Variants in LPP observed in about 807,000 individuals in gnomAD.
LPP encodes lipoma-preferred partner.
In LPP, 38 loss-of-function variants were observed where a neutral mutation model predicts 60.4. The ratio of observed to expected loss-of-function variants is 0.63; its 90% CI spans 0.49 to 0.83. The LOEUF (loss-of-function observed/expected upper bound fraction) is 0.83. Ranked by LOEUF, LPP falls within the 40% of genes least tolerant of loss-of-function variation. The pLI is 0.00. For synonymous variants in LPP, 328 were observed against 290.8 expected (o/e 1.13, Z -1.30); for missense variants, 902 against 783.6 (o/e 1.15, Z -1.80).
At chr3:188,459,468 G>C (rs1367158380) in intron 4 of LPP, among the ~76,000 whole-genome samples, 5 of 152,126 alleles carry the variant, frequency 3.3e-5, no homozygotes, top group Admixed American at 2.6e-4. Flanking sequence ...CTTCACAAAG[G>C]CCTCATAAAC....
At chr3:188,494,449 G>A (rs907285677) in intron 5 of LPP, among the ~76,000 whole-genome samples, 4 of 152,146 alleles carry the variant, frequency 2.6e-5, no homozygotes, top group African/African-American at 9.7e-5. Context: ...AGTCCTTTTT[G>A]TTAGAAAGCA....
chr3:188,480,554 G>A (rs1372411870), intron 4 of LPP, among the ~76,000 whole-genome samples: 2 of 152,224 alleles, frequency 1.3e-5, no homozygotes, highest in African/African-American at 4.8e-5. Flanking sequence ...CTGAAGGCAC[G>A]TGTCTATGAC....
At chr3:188,259,389 T>G (rs1204879386) in intron 2 of LPP, among the ~76,000 whole-genome samples, 1 of 152,158 alleles carries the variant, frequency 6.6e-6, no homozygotes, top group African/African-American at 2.4e-5. Flanking sequence ...ACCAGCCAGA[T>G]GAACTATACC....
At chr3:188,297,252 A>G (rs1748240987) in intron 2 of LPP, among the ~76,000 whole-genome samples, 2 of 152,222 alleles carry the variant, frequency 1.3e-5, no homozygotes, top group South Asian at 4.1e-4. Flanking sequence ...CCATAGTGCA[A>G]GAATCAGCCC....
At chr3:188,756,756 A>G (rs370828308) in intron 8 of LPP, among the ~76,000 whole-genome samples, 1 of 152,338 alleles carries the variant, frequency 6.6e-6, no homozygotes, top group East Asian at 1.9e-4. Flanking sequence ...CCTCAAGGCT[A>G]GTGTCCCCAC....
chr3:188,331,711 T>C (rs1760132300), intron 2 of LPP, among the ~76,000 whole-genome samples: 1 of 152,136 alleles, frequency 6.6e-6, no homozygotes, highest in Admixed American at 6.5e-5. Context: ...TGTCCAACTC[T>C]AAGGGACTCC....
chr3:188,599,040 A>G (rs539492481), intron 6 of LPP, among the ~76,000 whole-genome samples: 7 of 152,254 alleles, frequency 4.6e-5, no homozygotes, highest in South Asian at 4.2e-4. Context: ...TTTCTAGATG[A>G]TAGAACACAC....
intron 2 of LPP, among the ~76,000 whole-genome samples, chr3:188,327,117 C>G (rs1365196837): frequency 6.6e-6 from 1 of 152,132 alleles, no homozygotes; most frequent in African/African-American, 2.4e-5. Context: ...AATGTAGTGG[C>G]TGGGTCATGA....
At chr3:188,611,733 A>G (rs1843754094) in intron 7 of LPP, among the ~76,000 whole-genome samples, 1 of 152,194 alleles carries the variant, frequency 6.6e-6, no homozygotes, top group Non-Finnish European at 1.5e-5. Context: ...AAGCAAAACT[A>G]TGTGTCTTGA....
chr3:188,438,353 T>G (rs1222893288), intron 4 of LPP, among the ~76,000 whole-genome samples: 1 of 37,066 alleles, frequency 2.7e-5, no homozygotes, highest in East Asian at 5.0e-4. Flanking sequence ...ATTCCATGCA[T>G]TACACACACA....
intron 5 of LPP, among the ~76,000 whole-genome samples, chr3:188,501,236 T>C (rs567980053): frequency 1.3e-5 from 2 of 152,194 alleles, no homozygotes; most frequent in Non-Finnish European, 2.9e-5. Flanking sequence ...CCCATACGTT[T>C]GGTATGTTTT....
chr3:188,301,997 C>T (rs1488782544), intron 2 of LPP, among the ~76,000 whole-genome samples: 1 of 151,192 alleles, frequency 6.6e-6, no homozygotes, highest in African/African-American at 2.4e-5. Context: ...AAAACAACAA[C>T]CCAGAACATA....
chr3:188,825,723 A>T (rs966780990), intron 9 of LPP, among the ~76,000 whole-genome samples: 4 of 151,838 alleles, frequency 2.6e-5, no homozygotes, highest in African/African-American at 9.7e-5. Flanking sequence ...AAAAAGACAT[A>T]CACACACACA....
At chr3:188,799,226 T>C (rs1577629692) in intron 9 of LPP, among the ~76,000 whole-genome samples, 1 of 152,378 alleles carries the variant, frequency 6.6e-6, no homozygotes, top group East Asian at 1.9e-4. Flanking sequence ...CTGTAACTAA[T>C]AAAGTCTTGA....
intron 4 of LPP, among the ~76,000 whole-genome samples, chr3:188,414,923 A>G (rs939007676): frequency 2.6e-5 from 4 of 152,126 alleles, no homozygotes; most frequent in African/African-American, 9.7e-5. Context: ...GATTGAACTA[A>G]TATACCCGAA....
rs1265523630 is a variant in LPP, at chr3:188,876,411, T to G, written c.*1932T>G. 1 of 193,438 alleles carries G rather than the reference T, an allele frequency of 5.2e-6. No individual in the cohort carries two copies. Among genetic ancestry groups the G allele is most frequent in the Non-Finnish European group, 1.1e-5 (1 of 92,488 alleles). 12.0% of individuals were successfully genotyped at this position (193,438 alleles called of 1,614,324 possible). A position where few individuals can be genotyped will look rare whatever the true frequency, so the allele number is the denominator to read the frequency against. Reference sequence around the variant, plus strand: ...TTAAGAGCTTCCTTTGACCACTGTCTTTTTCTTACCCTAGTTCTCTTATCT... The same window carrying G: ...TTAAGAGCTTCCTTTGACCACTGTCGTTTTCTTACCCTAGTTCTCTTATCT... On this transcript the variant is annotated 3_prime_UTR_variant, in exon 12 of 12. Transcript: ENST00000617246.
At chr3:188,405,176 A>G (rs898938963) in intron 3 of LPP, among the ~76,000 whole-genome samples, 1 of 152,142 alleles carries the variant, frequency 6.6e-6, no homozygotes, top group Non-Finnish European at 1.5e-5. Flanking sequence ...CTAAATTCTA[A>G]TAATTGTCCC....
chr3:188,652,417 TC>T (rs1414568211), intron 7 of LPP, among the ~76,000 whole-genome samples: 3 of 152,198 alleles, frequency 2.0e-5, no homozygotes, highest in African/African-American at 7.2e-5. Context: ...CAGTTGGGTT[TC>T]TTCATCACAT....
intron 9 of LPP, among the ~76,000 whole-genome samples, chr3:188,818,142 C>A (rs1752982595): frequency 6.6e-6 from 1 of 152,126 alleles, no homozygotes; most frequent in Non-Finnish European, 1.5e-5. Context: ...ACAAATGACA[C>A]CCAGCAAGAA....
Sources: allele counts gnomAD v4.1 joint callset (sites outside exome capture counted in the v4.1 genomes callset), GRCh38; gene constraint gnomAD v4.1.1; transcripts MANE v1.5; gene names NCBI Gene and HGNC (gene_info 2026-07-23, HGNC 2026-07-21).